Variants in PPP1R14C observed in about 807,000 individuals in gnomAD.
PPP1R14C encodes protein phosphatase 1 regulatory subunit 14C.
In PPP1R14C, 16 loss-of-function variants were observed where a neutral mutation model predicts 20.4. That is an observed-to-expected ratio of 0.78 (90% CI 0.53 to 1.19). The LOEUF is 1.19. PPP1R14C is among the 50% of genes most tolerant of loss of function. The pLI is 0.00. For missense variants in PPP1R14C, 211 were observed against 220.1 expected (o/e 0.96, Z 0.26); for synonymous variants, 91 against 91.0 (o/e 1.00, Z 0.00).
chr6:150,209,868 T>C (rs1226932786), intron 1 of PPP1R14C, among the ~76,000 whole-genome samples: 2 of 151,574 alleles, frequency 1.3e-5, no homozygotes, highest in Non-Finnish European at 2.9e-5. Context: ...TGGATGTGAG[T>C]GTATGAATGG....
At position 150,143,956 on chromosome 6, in the gene PPP1R14C, A is replaced by C. The variant is rs1034589115; in HGVS notation, c.306+458A>C. On this transcript the variant is annotated intron_variant, in intron 1 of 3. Transcript: ENST00000361131. The surrounding 1 kb of genome is among the most constrained non-coding windows in gnomAD (Gnocchi z 5.6). ...GTGGAGAACGAGCAGGGAAGGAAGG[A>C]AGCTGCCTCGTGGAAAGGAGAGGTT... Among the ~76,000 whole-genome samples the C allele has an allele frequency of 6.6e-6, 1 of 152,058 alleles. No homozygotes were observed. Among genetic ancestry groups the C allele is most frequent in the Non-Finnish European group, 1.5e-5 (1 of 67,988 alleles).
chr6:150,190,949 A>G (rs998503034), intron 1 of PPP1R14C, among the ~76,000 whole-genome samples: 1 of 152,074 alleles, frequency 6.6e-6, no homozygotes, highest in Non-Finnish European at 1.5e-5. Flanking sequence ...TACAGTGGCT[A>G]TGTCTTTACA....
intron 1 of PPP1R14C, among the ~76,000 whole-genome samples, chr6:150,213,077 ATC>A (rs779072619): frequency 0.045 from 6,787 of 152,306 alleles, 174 homozygotes; most frequent in Non-Finnish European, 0.056. Context: ...GGAGTACAAA[ATC>A]TTTCTTCCAT....
intron 1 of PPP1R14C, among the ~76,000 whole-genome samples, chr6:150,199,364 A>C (rs1385628517): frequency 6.6e-6 from 1 of 152,206 alleles, no homozygotes; most frequent in Non-Finnish European, 1.5e-5. Context: ...AGAGGTGATT[A>C]GGCTCTGAGA....
intron 1 of PPP1R14C, among the ~76,000 whole-genome samples, chr6:150,192,274 G>C (rs1169496543): frequency 6.6e-6 from 1 of 152,092 alleles, no homozygotes; most frequent in Admixed American, 6.5e-5. Flanking sequence ...CAACCTTTTT[G>C]GCATCAGGGG....
rs1562257938 is a variant in PPP1R14C, at chr6:150,160,253, A to ATT, written c.306+16756_306+16757dup. On this transcript the variant is annotated intron_variant, in intron 1 of 3. Transcript: ENST00000361131. ...GGAAGAAAATCACTATGTGTAGCTCATTCTTTTTTTTTTTTTTTTTTTTTT... is the reference window on the plus strand; with the variant it reads ...GGAAGAAAATCACTATGTGTAGCTCATTTTCTTTTTTTTTTTTTTTTTTTTTT... 1.4e-4 allele frequency among the ~76,000 whole-genome samples: 16 copies of ATT among 117,110 alleles called. 1 individual carries two copies. The highest frequency in any genetic ancestry group is 5.5e-4 in the African/African-American group (16 of 29,212). The allele number at this position is 117,110 out of a possible 152,430, so 76.8% of individuals were successfully genotyped here.
At chr6:150,181,504 A>G (rs1009433244) in intron 1 of PPP1R14C, among the ~76,000 whole-genome samples, 3 of 152,194 alleles carry the variant, frequency 2.0e-5, no homozygotes, top group Non-Finnish European at 4.4e-5. Context: ...TTAGCTATCA[A>G]TGTTCTTTTC....
chr6:150,228,866 G>A (rs1014034325), intron 3 of PPP1R14C, among the ~76,000 whole-genome samples: 3 of 152,080 alleles, frequency 2.0e-5, no homozygotes, highest in Non-Finnish European at 2.9e-5. Context: ...GGCAGTGTAG[G>A]AAAAGCCACG....
chr6:150,241,730 T>C (rs1051141587), intron 3 of PPP1R14C, among the ~76,000 whole-genome samples: 41 of 152,064 alleles, frequency 2.7e-4, no homozygotes, highest in African/African-American at 9.4e-4. Context: ...CTACTAAAAA[T>C]ACAAAAATTA....
At chr6:150,211,291 T>C (rs571947867) in intron 1 of PPP1R14C, among the ~76,000 whole-genome samples, 153 of 152,236 alleles carry the variant, frequency 1.0e-3, no homozygotes, top group Non-Finnish European at 1.9e-3. Flanking sequence ...TCTCAACAAA[T>C]GTACGACAAG....
At chr6:150,212,492 G>A (rs1197146864) in intron 1 of PPP1R14C, among the ~76,000 whole-genome samples, 1 of 152,174 alleles carries the variant, frequency 6.6e-6, no homozygotes, top group East Asian at 1.9e-4. Context: ...GGCCTAACTT[G>A]GCTGGCGTCA....
At chr6:150,165,780 T>G (rs564895755) in intron 1 of PPP1R14C, among the ~76,000 whole-genome samples, 142 of 152,326 alleles carry the variant, frequency 9.3e-4, no homozygotes, top group African/African-American at 3.2e-3. Context: ...GAATTAGAGC[T>G]TTTATGTTGC....
At chr6:150,204,790 C>T (rs1234684924) in intron 1 of PPP1R14C, among the ~76,000 whole-genome samples, 1 of 152,162 alleles carries the variant, frequency 6.6e-6, no homozygotes, top group African/African-American at 2.4e-5. Flanking sequence ...CACCACTTGG[C>T]CCCTACCCAA....
At chr6:150,188,073 T>G (rs1335791530) in intron 1 of PPP1R14C, among the ~76,000 whole-genome samples, 2 of 152,214 alleles carry the variant, frequency 1.3e-5, no homozygotes, top group South Asian at 2.1e-4. Context: ...CTAACATAGT[T>G]TTAGTCACTG....
At position 150,173,748 on chromosome 6, in the gene PPP1R14C, C is replaced by T. The variant is rs775543306; in HGVS notation, c.306+30250C>T. Among the ~76,000 whole-genome samples the T allele has an allele frequency of 7.0e-4, 106 of 152,062 alleles. 2 individuals carry two copies. Among genetic ancestry groups the T allele is most frequent in the Admixed American group, 1.3e-4 (2 of 15,272 alleles). ...CCAGCCAGCGCTAGGAATGGAGGCC[C>T]GCAGAGGCTTATGGAACTGGCCCAT... On this transcript the variant is annotated intron_variant, in intron 1 of 3. Coordinates refer to ENST00000361131, the MANE Select transcript of PPP1R14C (RefSeq NM_030949.3).
intron 3 of PPP1R14C, among the ~76,000 whole-genome samples, chr6:150,244,810 T>C (rs1276510473): frequency 6.6e-6 from 1 of 152,218 alleles, no homozygotes; most frequent in Non-Finnish European, 1.5e-5. Context: ...TTTTTCAGAA[T>C]AAAATAAATT....
chr6:150,188,482 CTTTTTTTTTTT>C (rs753993224), intron 1 of PPP1R14C, among the ~76,000 whole-genome samples: 1 of 104,982 alleles, frequency 9.5e-6, no homozygotes, highest in Non-Finnish European at 1.8e-5. Context: ...CAGGAATTAC[CTTTTTTTTTTT>C]TTTTTTTTTT....
chr6:150,147,944 T>C (rs1777198099), intron 1 of PPP1R14C, among the ~76,000 whole-genome samples: 1 of 152,214 alleles, frequency 6.6e-6, no homozygotes, highest in Non-Finnish European at 1.5e-5. Context: ...GCCTGACACA[T>C]GGATACAGAG....
intron 3 of PPP1R14C, among the ~76,000 whole-genome samples, chr6:150,238,516 G>A (rs537157048): frequency 6.6e-6 from 1 of 152,384 alleles, no homozygotes; most frequent in South Asian, 2.1e-4. Context: ...GTCTTTGGCT[G>A]TGGGAGGCAG....
Sources: gnomAD v4.1 joint callset for allele counts (sites outside exome capture counted in the v4.1 genomes callset) on GRCh38, gnomAD v4.1.1 for gene constraint, Gnocchi (gnomAD v3.1) non-coding constraint, MANE v1.5 for transcripts, NCBI Gene and HGNC (gene_info 2026-07-23, HGNC 2026-07-21) for gene names.